The following CYB5A variants were observed in gnomAD, a reference collection of about 807,000 sequenced individuals.
CYB5A encodes cytochrome b5.
A neutral mutation model predicts 16.2 loss-of-function variants in CYB5A; 10 were observed. The observed-to-expected ratio is 0.62, with a 90% CI of 0.38 to 1.04. CYB5A has a LOEUF of 1.04. Among genes scored for constraint, CYB5A ranks in the 50% least tolerant of loss-of-function variants. The pLI, the probability that CYB5A is intolerant of heterozygous loss-of-function variation, is 0.01. For missense variants in CYB5A, 161 were observed against 165.9 expected, an observed-to-expected ratio of 0.97 and a Z score of 0.16; for synonymous variants, 62 against 57.0, an observed-to-expected ratio of 1.09 and a Z score of -0.40.
At chr18:74,285,088 AT>A (rs1273770542) in intron 1 of CYB5A, among the ~76,000 whole-genome samples, 7 of 152,224 alleles carry the variant, frequency 4.6e-5, no homozygotes, top group African/African-American at 1.7e-4. Context: ...CTTGATTAAA[AT>A]GTTCTGTTTT....
At position 74,251,626 on chromosome 18, in the gene CYB5A, A is replaced by G. The variant is rs1981778515; in HGVS notation, c.*1958T>C. 6.6e-6 allele frequency: 1 copy of G among 152,228 alleles called. No individual in the cohort carries two copies. Among genetic ancestry groups the G allele is most frequent in the Non-Finnish European group, 1.5e-5 (1 of 68,046 alleles). 9.4% of individuals were successfully genotyped at this position (152,228 alleles called of 1,614,324 possible). ...CCTTTCACAAGCAGCAGATGAAAAGAAAGGGCAGCCTCTGAAGTCTCTCAC... is the reference window on the plus strand; with the variant it reads ...CCTTTCACAAGCAGCAGATGAAAAGGAAGGGCAGCCTCTGAAGTCTCTCAC... On this transcript the variant is annotated 3_prime_UTR_variant, in exon 5 of 5. Coordinates refer to ENST00000340533, the MANE Select transcript of CYB5A (RefSeq NM_148923.4).
intron 3 of CYB5A, chr18:74,256,609 T>C (rs1433930683): frequency 5.4e-6 from 3 of 559,452 alleles, no homozygotes; most frequent in Non-Finnish European, 9.5e-6. Context: ...CTTTTGATGT[T>C]CCACACCAAC....
intron 1 of CYB5A, among the ~76,000 whole-genome samples, chr18:74,289,027 C>G (rs1983427416): frequency 6.6e-6 from 1 of 152,116 alleles, no homozygotes; most frequent in South Asian, 2.1e-4. Context: ...AAGATCCCTC[C>G]AACCTCTTAA....
At position 74,289,957 on chromosome 18, in the gene CYB5A, G is replaced by T. The variant is rs532529626; in HGVS notation, c.129+1790C>A. ...CTCGCTTTAGGAGAAGACAAGAAAA[G>T]AAGAAAATGCTTCATAATATAAAAT... is the stretch of plus-strand genomic sequence containing the variant. On this transcript the variant is annotated intron_variant, in intron 1 of 4. Transcript: ENST00000340533. Among the ~76,000 whole-genome samples the T allele has an allele frequency of 2.0e-5, 3 of 152,196 alleles. No individual in the cohort carries two copies. In the South Asian group the frequency reaches 6.2e-4, roughly 32 times the overall value.
At chr18:74,268,360 G>T (rs1270944037) in intron 1 of CYB5A, among the ~76,000 whole-genome samples, 3 of 152,140 alleles carry the variant, frequency 2.0e-5, no homozygotes, top group Non-Finnish European at 4.4e-5. Flanking sequence ...TGTTGCAGGG[G>T]CGGGGAACAG....
At chr18:74,278,200 G>A (rs919029476) in intron 1 of CYB5A, among the ~76,000 whole-genome samples, 1 of 152,164 alleles carries the variant, frequency 6.6e-6, no homozygotes, top group Non-Finnish European at 1.5e-5. Flanking sequence ...ATGAACGCAG[G>A]CCGCCTGACT....
intron 1 of CYB5A, among the ~76,000 whole-genome samples, chr18:74,281,387 G>A (rs1404664216): frequency 6.6e-6 from 1 of 152,226 alleles, no homozygotes; most frequent in Non-Finnish European, 1.5e-5. Context: ...GTGTGAGCCT[G>A]CCAAAGCGGA....
chr18:74,262,916 G>A (rs1204772188), intron 2 of CYB5A, among the ~76,000 whole-genome samples: 3 of 152,154 alleles, frequency 2.0e-5, no homozygotes, highest in African/African-American at 7.2e-5. Flanking sequence ...TTGAGAGGCC[G>A]AGGTGGGTGG....
intron 1 of CYB5A, 117 bp downstream of exon 1, chr18:74,291,630 G>A: frequency 2.7e-6 from 4 of 1,489,864 alleles, no homozygotes; most frequent in South Asian, 1.2e-5. Flanking sequence ...AGCGAACTCG[G>A]GGGGCGCGCC....
At chr18:74,261,527 G>A (rs535672792) in intron 2 of CYB5A, 14 of 159,810 alleles carry the variant, frequency 8.8e-5, no homozygotes, top group Non-Finnish European at 1.1e-4. Flanking sequence ...CATGTGTAAC[G>A]GCAGGCCTCC....
chr18:74,290,511 C>G (rs1180425695), intron 1 of CYB5A, among the ~76,000 whole-genome samples: 3 of 152,182 alleles, frequency 2.0e-5, no homozygotes, highest in African/African-American at 7.2e-5. Flanking sequence ...TCCCAAAGTG[C>G]TGGGATTACA....
chr18:74,266,994 G>A (rs1432127539), intron 1 of CYB5A, among the ~76,000 whole-genome samples: 2 of 152,080 alleles, frequency 1.3e-5, no homozygotes, highest in Non-Finnish European at 2.9e-5. Flanking sequence ...TAAAAGATGA[G>A]GGTGGCTTTT....
At chr18:74,289,089 G>A (rs1326652954) in intron 1 of CYB5A, among the ~76,000 whole-genome samples, 2 of 152,136 alleles carry the variant, frequency 1.3e-5, no homozygotes, top group Non-Finnish European at 2.9e-5. Context: ...CCAGACCCCA[G>A]CCTCCTCACT....
Position 74,272,744 on chromosome 18 carries a change from C to A in CYB5A, c.130-9267G>T, listed in dbSNP as rs954182812. Among the ~76,000 whole-genome samples the A allele has an allele frequency of 5.3e-5, 8 of 152,038 alleles. No homozygotes were observed. The East Asian group carries it at 5.8e-4, about 11-fold the overall frequency. On this transcript the variant is annotated intron_variant, in intron 1 of 4. Transcript: ENST00000340533. The stretch of plus-strand genomic sequence containing the variant: ...GACCAGCCTGGCCAACATGGTGAAA[C>A]CCCCGTCTCTACTAAAAATACAAAA...
intron 1 of CYB5A, among the ~76,000 whole-genome samples, chr18:74,285,661 C>G (rs1310075360): frequency 6.6e-6 from 1 of 151,852 alleles, no homozygotes; most frequent in East Asian, 1.9e-4. Flanking sequence ...CCTAGGAGTT[C>G]GAGACCAGCC....
At chr18:74,279,717 G>A (rs1026613154) in intron 1 of CYB5A, among the ~76,000 whole-genome samples, 2 of 152,022 alleles carry the variant, frequency 1.3e-5, no homozygotes, top group East Asian at 3.9e-4. Flanking sequence ...TAATAAACTG[G>A]GTTGAAATAT....
chr18:74,255,069 G>A (rs550854489), intron 4 of CYB5A, among the ~76,000 whole-genome samples: 18 of 152,306 alleles, frequency 1.2e-4, no homozygotes, highest in African/African-American at 4.3e-4. Flanking sequence ...AAACTGGCTT[G>A]TTAATGAAGA....
At chr18:74,260,670 T>C in intron 3 of CYB5A, 1 of 576,026 alleles carries the variant, frequency 1.7e-6, no homozygotes, top group Non-Finnish European at 3.3e-6. Context: ...TATATATTGA[T>C]AATTATGATG....
chr18:74,280,109 G>A (rs2076881510), intron 1 of CYB5A, among the ~76,000 whole-genome samples: 1 of 152,188 alleles, frequency 6.6e-6, no homozygotes, highest in Non-Finnish European at 1.5e-5. Flanking sequence ...CGGTGGTCAG[G>A]TGATAGTGTT....
Sources: allele counts gnomAD v4.1 joint callset (sites outside exome capture counted in the v4.1 genomes callset), GRCh38; gene constraint gnomAD v4.1.1; transcripts MANE v1.5; gene names NCBI Gene and HGNC (gene_info 2026-07-23, HGNC 2026-07-21).